The following CALN1 variants were observed in gnomAD, a reference collection of about 807,000 sequenced individuals.
CALN1 encodes the protein calcium-binding protein 8.
CALN1 carries 17 observed loss-of-function variants against 30.6 expected under a neutral mutation model. The ratio of observed to expected loss-of-function variants is 0.56; its 90% CI spans 0.38 to 0.83. CALN1 has a LOEUF of 0.83. Among genes scored for constraint, CALN1 ranks in the 40% least tolerant of loss-of-function variants. The probability of loss-of-function intolerance (pLI) is 0.00; values close to 1 mark genes in which losing one functional copy is unlikely to be tolerated. For missense variants in CALN1, 291 were observed against 354.9 expected (o/e 0.82, Z 1.45); for synonymous variants, 156 against 131.4 (o/e 1.19, Z -1.28).
intron 1 of CALN1, among the ~76,000 whole-genome samples, chr7:72,440,391 C>A (rs1431367318): frequency 2.0e-5 from 3 of 152,188 alleles, no homozygotes; most frequent in Non-Finnish European, 4.4e-5. Flanking sequence ...TATTCTTATA[C>A]AGTTTTATGA....
intron 2 of CALN1, among the ~76,000 whole-genome samples, chr7:72,285,855 T>C (rs1224069786): frequency 2.6e-5 from 4 of 152,180 alleles, no homozygotes; most frequent in Admixed American, 2.0e-4. Context: ...AGGCATCTCT[T>C]GCAGACTTGA....
chr7:72,395,415 CTG>C (rs1805863633), intron 2 of CALN1, among the ~76,000 whole-genome samples: 2 of 151,934 alleles, frequency 1.3e-5, no homozygotes, highest in Admixed American at 1.3e-4. Context: ...TTTGGAAAAA[CTG>C]AGATAAATGA....
chr7:72,155,374 C>T (rs1787583165), intron 3 of CALN1, among the ~76,000 whole-genome samples: 1 of 151,886 alleles, frequency 6.6e-6, no homozygotes, highest in African/African-American at 2.4e-5. Context: ...TGCCTGTAGT[C>T]CCAGCTACTC....
At chr7:71,936,080 T>C (rs139951947) in intron 5 of CALN1, among the ~76,000 whole-genome samples, 87 of 152,254 alleles carry the variant, frequency 5.7e-4, no homozygotes, top group Middle Eastern at 6.8e-3. Context: ...CCAGAAGCCA[T>C]GTCAGAACTC....
chr7:72,260,291 G>GT (rs938799844), intron 3 of CALN1, among the ~76,000 whole-genome samples: 11 of 152,176 alleles, frequency 7.2e-5, no homozygotes, highest in African/African-American at 2.4e-4. Context: ...AGCAACTGAT[G>GT]TTACCCTTTT....
intron 2 of CALN1, among the ~76,000 whole-genome samples, chr7:72,357,561 T>C (rs1360542398): frequency 1.3e-5 from 2 of 151,868 alleles, no homozygotes; most frequent in East Asian, 1.9e-4. Flanking sequence ...GCATCATGAA[T>C]GAGGTTTTTG....
intron 2 of CALN1, among the ~76,000 whole-genome samples, chr7:72,335,823 G>C (rs1562899580): frequency 6.6e-6 from 1 of 152,306 alleles, no homozygotes; most frequent in Middle Eastern, 3.4e-3. Flanking sequence ...CTCGGTGCAC[G>C]CTCTGTACCC....
intron 5 of CALN1, among the ~76,000 whole-genome samples, chr7:71,982,497 G>C (rs911860147): frequency 2.0e-5 from 3 of 152,166 alleles, no homozygotes; most frequent in Non-Finnish European, 2.9e-5. Context: ...TGGAGGCTGA[G>C]GCAGGAGAAT....
chr7:72,344,798 C>CA (rs996635538), intron 2 of CALN1, among the ~76,000 whole-genome samples: 33 of 144,966 alleles, frequency 2.3e-4, no homozygotes, highest in African/African-American at 7.5e-4. Context: ...ATTAACCAGC[C>CA]AAAAAAATGA....
chr7:71,810,248 G>A (rs1316523143), intron 6 of CALN1, 88 bp downstream of exon 6: 2 of 1,413,262 alleles, frequency 1.4e-6, no homozygotes, highest in Admixed American at 4.1e-5. Flanking sequence ...CAGCCCAAGA[G>A]CCTGTGTGTG....
intron 5 of CALN1, among the ~76,000 whole-genome samples, chr7:71,816,816 A>G (rs1462926011): frequency 6.6e-6 from 1 of 152,018 alleles, no homozygotes; most frequent in East Asian, 1.9e-4. Flanking sequence ...AAAAATACAA[A>G]AATTAGCCCG....
At chr7:72,205,394 G>T (rs1442048197) in intron 3 of CALN1, among the ~76,000 whole-genome samples, 3 of 150,108 alleles carry the variant, frequency 2.0e-5, no homozygotes, top group African/African-American at 7.4e-5. Flanking sequence ...TAGAGACAGG[G>T]TTTCACCATG....
chr7:71,966,702 A>T (rs938854625), intron 5 of CALN1, among the ~76,000 whole-genome samples: 3 of 152,148 alleles, frequency 2.0e-5, no homozygotes, highest in Admixed American at 1.3e-4. Flanking sequence ...TTTATATATT[A>T]CCCAGTCTCA....
chr7:72,370,656 C>CAA (rs374531193), intron 2 of CALN1, among the ~76,000 whole-genome samples: 128 of 100,822 alleles, frequency 1.3e-3, no homozygotes, highest in African/African-American at 1.5e-3. Flanking sequence ...GACTCCGTCT[C>CAA]AAAAAAAAAA....
At chr7:72,138,560 A>ACC in intron 3 of CALN1, among the ~76,000 whole-genome samples, 1 of 152,040 alleles carries the variant, frequency 6.6e-6, no homozygotes, top group Non-Finnish European at 1.5e-5. Context: ...GGAGACGGGG[A>ACC]CTGCCCTTAG....
rs199920128 is a variant in CALN1, at chr7:72,352,339, C to A, written c.119+50912G>T. On this transcript the variant is annotated intron_variant, in intron 2 of 6. Coordinates refer to ENST00000395275, the MANE Select transcript of CALN1 (RefSeq NM_031468.4). ...GGGAGGCAGAGGTTGCAGTGAGACA[C>A]TATTGTGCCATTGCACTCCAGCCTG... 8.3e-3 allele frequency among the ~76,000 whole-genome samples: 1,091 copies of A among 130,702 alleles called. 43 individuals carry two copies. The East Asian group carries it at 0.14, about 16-fold the overall frequency. The allele number at this position is 130,702 out of a possible 152,430, so 85.7% of individuals were successfully genotyped here.
At chr7:71,966,180 A>C (rs1797521333) in intron 5 of CALN1, among the ~76,000 whole-genome samples, 1 of 152,126 alleles carries the variant, frequency 6.6e-6, no homozygotes, top group South Asian at 2.1e-4. Context: ...TCTACAGTCA[A>C]CTCTGTCACC....
chr7:72,025,915 T>A (rs1801023515), intron 4 of CALN1, among the ~76,000 whole-genome samples: 1 of 152,012 alleles, frequency 6.6e-6, no homozygotes, highest in South Asian at 2.1e-4. Flanking sequence ...CAGGAACAGA[T>A]CCCAGCAGAG....
At chr7:71,981,674 C>CAAA (rs35596606) in intron 5 of CALN1, among the ~76,000 whole-genome samples, 1 of 143,996 alleles carries the variant, frequency 6.9e-6, no homozygotes, top group African/African-American at 2.5e-5. Flanking sequence ...AAAACAAAAC[C>CAAA]AAAAAAAAAA....
Sources: allele counts gnomAD v4.1 joint callset (sites outside exome capture counted in the v4.1 genomes callset), GRCh38; gene constraint gnomAD v4.1.1; transcripts MANE v1.5; gene names NCBI Gene and HGNC (gene_info 2026-07-23, HGNC 2026-07-21).